The following ZNF33A variants were observed in gnomAD, a reference collection of about 807,000 sequenced individuals.
The protein encoded by ZNF33A is zinc finger protein 33A, also known as brain my041 protein.
Under a neutral mutation model 15.9 loss-of-function variants are expected in ZNF33A, and 9 were observed. That is an observed-to-expected ratio of 0.57 (90% confidence interval 0.34 to 0.99). The LOEUF (loss-of-function observed/expected upper bound fraction) is 0.99. Ranked by LOEUF, ZNF33A falls within the 50% of genes least tolerant of loss-of-function variation. The pLI, the probability that ZNF33A is intolerant of heterozygous loss-of-function variation, is 0.02. For missense variants in ZNF33A, 843 were observed against 941.6 expected, an observed-to-expected ratio of 0.90 and a Z score of 1.37; for synonymous variants, 294 against 324.2, an observed-to-expected ratio of 0.91 and a Z score of 1.00.
chr10:38,020,637 G>T (rs1438886786), intron 4 of ZNF33A, among the ~76,000 whole-genome samples: 1 of 151,968 alleles, frequency 6.6e-6, no homozygotes, highest in South Asian at 2.1e-4. Context: ...TTCCATTTCC[G>T]TCTAGGTTGT....
downstream of ZNF33A, among the ~76,000 whole-genome samples, chr10:38,063,108 A>AATTTAGCTTT (rs2066674640): frequency 6.6e-6 from 1 of 152,016 alleles, no homozygotes; most frequent in South Asian, 2.1e-4. Flanking sequence ...AGAAACCCTA[A>AATTTAGCTTT]AGCAAAATGC....
rs376943031 is a variant in ZNF33A, at chr10:38,055,638, C to G, written c.1514C>G (p.Thr505Ser). 1 of 1,614,020 alleles carries G rather than the reference C, an allele frequency of 6.2e-7. No individual in the cohort carries two copies. Among genetic ancestry groups the G allele is most frequent in the Non-Finnish European group, 8.5e-7 (1 of 1,179,994 alleles). The change falls in exon 5 of 5, where the codon ACT (threonine) becomes AGT (serine). Residue 505 changes from threonine (T) to serine (S), a missense_variant. Thr to Ser is a moderately conservative substitution (Grantham distance 58). Transcript: ENST00000432900. ...TATGAATGTAATGCATGTGGGAAAA[C>G]TTTCTACCACAAGTCATTACTCACC... ...KSYECNACGK[T>S]FYHKSLLTRH...
intron 4 of ZNF33A, among the ~76,000 whole-genome samples, chr10:38,038,704 G>A (rs1273416995): frequency 6.6e-6 from 1 of 152,156 alleles, no homozygotes; most frequent in Non-Finnish European, 1.5e-5. Flanking sequence ...TTAGTATGAT[G>A]TTAGTGGTGG....
downstream of ZNF33A, among the ~76,000 whole-genome samples, chr10:38,065,586 T>C (rs1167091615): frequency 1.3e-5 from 2 of 152,208 alleles, no homozygotes; most frequent in African/African-American, 2.4e-5. Context: ...AACAAATACA[T>C]TAGTGAACAC....
chr10:38,045,319 A>G (rs954065415), intron 4 of ZNF33A, among the ~76,000 whole-genome samples: 8 of 152,138 alleles, frequency 5.3e-5, no homozygotes, highest in African/African-American at 1.7e-4. Flanking sequence ...TGGTGTTAAC[A>G]GTGCTCTCTG....
At chr10:38,032,893 T>C (rs1027043331) in intron 4 of ZNF33A, among the ~76,000 whole-genome samples, 4 of 151,736 alleles carry the variant, frequency 2.6e-5, no homozygotes, top group African/African-American at 9.7e-5. Flanking sequence ...ATTGCAGGTG[T>C]GTACCACTAT....
Position 38,057,714 on chromosome 10 carries a change from C to T in ZNF33A, c.*1154C>T. On this transcript the variant is annotated 3_prime_UTR_variant, in exon 5 of 5. Coordinates refer to ENST00000432900, the MANE Select transcript of ZNF33A (RefSeq NM_006954.2). ...TCCCTTTCTCTTCCTACCTGTGGCT[C>T]ATGCCATGCCATGAAGTGCCTAGGG... The T allele has an allele frequency of 7.1e-6, 7 of 985,474 alleles. No individual in the cohort carries two copies. Among genetic ancestry groups the T allele is most frequent in the Non-Finnish European group, 7.2e-6 (6 of 829,958 alleles). 61.0% of individuals were successfully genotyped at this position (985,474 alleles called of 1,614,324 possible).
At chr10:38,014,148 T>TCA (rs2064337082) in intron 2 of ZNF33A, among the ~76,000 whole-genome samples, 1 of 143,292 alleles carries the variant, frequency 7.0e-6, no homozygotes, top group Non-Finnish European at 1.5e-5. Flanking sequence ...CCCAAGGGAT[T>TCA]CTCCTGGCTA....
At chr10:38,012,455 G>A (rs572052840) in intron 2 of ZNF33A, 105 bp downstream of exon 2, 190 of 1,238,752 alleles carry the variant, frequency 1.5e-4, no homozygotes, top group East Asian at 1.2e-3. Context: ...TTTGTGAGAC[G>A]GAGTCTCACT....
At chr10:38,047,092 A>G (rs2065973148) in intron 4 of ZNF33A, among the ~76,000 whole-genome samples, 1 of 147,418 alleles carries the variant, frequency 6.8e-6, no homozygotes, top group Non-Finnish European at 1.5e-5. Flanking sequence ...AGGTGGGAAG[A>G]TCACTTGAGC....
At chr10:38,036,835 G>C (rs116600706) in intron 4 of ZNF33A, among the ~76,000 whole-genome samples, 1,665 of 152,328 alleles carry the variant, frequency 0.011, 36 homozygotes, top group African/African-American at 0.038. Context: ...GAAAATTCTA[G>C]AGAACTCCCA....
rs1260714596 is a variant in ZNF33A, at chr10:38,055,993, A to G, written c.1869A>G (p.Gln623=). The change falls in exon 5 of 5, where the codon CAA becomes CAG. Residue 623 remains glutamine, a synonymous_variant. Transcript: ENST00000432900. ...ECGKAFYQKS[Q]LTQHQRIHIG... is the part of the protein sequence containing the mutation. ...GAAAAGCCTTCTACCAGAAGTCACA[A>G]CTCACTCAGCATCAGAGAATTCACA... is the stretch of plus-strand genomic sequence containing the variant. 3 of 1,613,678 alleles carry G rather than the reference A, an allele frequency of 1.9e-6. No individual in the cohort carries two copies. Among genetic ancestry groups the G allele is most frequent in the East Asian group, 2.2e-5 (1 of 44,846 alleles).
chr10:38,055,506 G>T lies in ZNF33A; in HGVS notation c.1382G>T (p.Arg461Ile), dbSNP rs775219256. The T allele has an allele frequency of 1.2e-6, 2 of 1,614,076 alleles. No individual in the cohort carries two copies. Among genetic ancestry groups the T allele is most frequent in the Admixed American group, 1.7e-5 (1 of 60,008 alleles). ...ACTTCGCACCTTAAAGTACACCAGA[G>T]AACTCACACAGGTGAGAAACCTTTT... The part of the protein sequence containing the change: ...RVTSHLKVHQ[R>I]THTGEKPFEC... Residue 461 changes from arginine to isoleucine, a missense_variant, in exon 5 of 5, where the codon AGA becomes ATA. Coordinates refer to ENST00000432900, the MANE Select transcript of ZNF33A (RefSeq NM_006954.2).
At chr10:38,011,006 T>TG (rs1328317616) in intron 1 of ZNF33A, among the ~76,000 whole-genome samples, 6 of 152,010 alleles carry the variant, frequency 3.9e-5, no homozygotes, top group East Asian at 1.9e-4. Flanking sequence ...GCCCCATTTG[T>TG]GGGGGCCGCG....
chr10:38,019,453 C>G (rs939582196), intron 4 of ZNF33A, among the ~76,000 whole-genome samples: 3 of 152,268 alleles, frequency 2.0e-5, no homozygotes, highest in African/African-American at 7.2e-5. Flanking sequence ...CATACGTGTG[C>G]ATGTGTCTTT....
In ZNF33A at chr10:38,040,008, A is replaced by G. The variant is rs573836095; in HGVS notation, c.251-14367A>G. Reference sequence around the variant, plus strand: ...TTTAAATATGGTTATTACAGCTACAAATCTCTAAGGATTGCTTTATCTGTG... The same window carrying G: ...TTTAAATATGGTTATTACAGCTACAGATCTCTAAGGATTGCTTTATCTGTG... On this transcript the variant is annotated intron_variant, in intron 4 of 4. Coordinates refer to ENST00000432900, the MANE Select transcript of ZNF33A (RefSeq NM_006954.2). 9.0e-4 allele frequency among the ~76,000 whole-genome samples: 137 copies of G among 152,046 alleles called. 1 individual carries two copies. The highest frequency in any genetic ancestry group is 3.4e-3 in the Middle Eastern group (1 of 294).
At chr10:38,022,188 A>G (rs1397083699) in intron 4 of ZNF33A, among the ~76,000 whole-genome samples, 1 of 152,196 alleles carries the variant, frequency 6.6e-6, no homozygotes, top group Non-Finnish European at 1.5e-5. Flanking sequence ...AACTAATGAA[A>G]CATAGGGTTC....
At chr10:38,024,734 G>C (rs2064906307) in intron 4 of ZNF33A, among the ~76,000 whole-genome samples, 3 of 152,212 alleles carry the variant, frequency 2.0e-5, no homozygotes, top group African/African-American at 7.2e-5. Context: ...CCTGAGGCCA[G>C]CTGTGGTTCA....
At chr10:38,067,140 T>C (rs769734270), downstream of ZNF33A, among the ~76,000 whole-genome samples, 36 of 152,252 alleles carry the variant, frequency 2.4e-4, no homozygotes, top group Non-Finnish European at 4.3e-4. Flanking sequence ...ATGATTTAAT[T>C]TTCTCCTACC....
Sources: gnomAD v4.1 joint callset for allele counts (sites outside exome capture counted in the v4.1 genomes callset) on GRCh38, gnomAD v4.1.1 for gene constraint, MANE v1.5 for transcripts, NCBI Gene and HGNC (gene_info 2026-07-23, HGNC 2026-07-21) for gene names.